The following TTC28 variants were observed in gnomAD, a reference collection of about 807,000 sequenced individuals.
The protein encoded by TTC28 is tetratricopeptide repeat protein 28.
TTC28 carries 61 observed loss-of-function variants against 198.0 expected under a neutral mutation model. The observed-to-expected ratio is 0.31, with a 90% CI of 0.25 to 0.38. The LOEUF is 0.38. TTC28 is among the 10% of genes least tolerant of loss of function. The probability of loss-of-function intolerance (pLI) is 1.00; values close to 1 mark genes in which losing one functional copy is unlikely to be tolerated. For synonymous variants in TTC28, 1,171 were observed against 1,297.8 expected (o/e 0.90, Z 2.10); for missense variants, 2,678 against 3,164.0 (o/e 0.85, Z 3.69).
chr22:28,313,743 A>G (rs1601615853), intron 2 of TTC28, among the ~76,000 whole-genome samples: 1 of 152,192 alleles, frequency 6.6e-6, no homozygotes, highest in Non-Finnish European at 1.5e-5. Flanking sequence ...TGACAAACCC[A>G]CAGCCAATAT....
intron 2 of TTC28, among the ~76,000 whole-genome samples, chr22:28,593,344 A>G (rs1167606610): frequency 1.3e-5 from 2 of 152,188 alleles, no homozygotes; most frequent in Non-Finnish European, 2.9e-5. Flanking sequence ...ATATTCATGC[A>G]AGCCCTAATT....
At chr22:28,050,306 A>G (rs1431627442) in intron 12 of TTC28, among the ~76,000 whole-genome samples, 1 of 152,204 alleles carries the variant, frequency 6.6e-6, no homozygotes, top group African/African-American at 2.4e-5. Flanking sequence ...TGAGAAGCTC[A>G]AAGTTCACAG....
Position 28,107,636 on chromosome 22 carries a change from A to G in TTC28, c.2209T>C (p.Tyr737His). Residue 737 changes from tyrosine to histidine, a missense_variant, in exon 7 of 23, where the codon TAT (tyrosine) becomes CAT (histidine). Physicochemically the swap from Tyr to His is moderately conservative, Grantham distance 83. Coordinates refer to ENST00000397906, the MANE Select transcript of TTC28 (RefSeq NM_001145418.2). ...KKDINGAIKF[Y>H]EQQLGLAHQV... ...TGAGCTAAGCCCAGTTGCTGCTCAT[A>G]GAATTTTATTGCACCATTTATATCT... 6.4e-7 allele frequency: 1 copy of G among 1,551,808 alleles called. No individual in the cohort carries two copies. Among genetic ancestry groups the G allele is most frequent in the Non-Finnish European group, 8.7e-7 (1 of 1,147,014 alleles).
Position 28,048,634 on chromosome 22 carries a change from C to T in TTC28, c.3933-18268G>A, listed in dbSNP as rs146505349. Among the ~76,000 whole-genome samples, 459 of 152,266 alleles carry T rather than the reference C, an allele frequency of 3.0e-3. 6 individuals carry two copies. The highest frequency in any genetic ancestry group is 0.011 in the African/African-American group (440 of 41,550). On this transcript the variant is annotated intron_variant, in intron 12 of 22. Coordinates refer to ENST00000397906, the MANE Select transcript of TTC28 (RefSeq NM_001145418.2). ...ATTAGGCCTTAACTGCCTGAGTCCA[C>T]ATATGCTGTCCACCACCTAGAGGAC...
chr22:28,364,354 G>A (rs1020284160), intron 2 of TTC28, among the ~76,000 whole-genome samples: 2 of 152,194 alleles, frequency 1.3e-5, no homozygotes, highest in African/African-American at 4.8e-5. Context: ...CCAGCCACGT[G>A]GAACTGCAAG....
At chr22:28,225,216 G>C (rs966483362) in intron 5 of TTC28, among the ~76,000 whole-genome samples, 2 of 151,912 alleles carry the variant, frequency 1.3e-5, no homozygotes, top group African/African-American at 4.8e-5. Context: ...TTGGCCAGGC[G>C]TGATGGTGCA....
Position 27,982,636 on chromosome 22 carries a change from T to G in TTC28, c.7031A>C (p.Lys2344Thr), listed in dbSNP as rs775874303. 15 of 1,551,478 alleles carry G rather than the reference T, an allele frequency of 9.7e-6. No individual in the cohort carries two copies. The highest frequency in any genetic ancestry group is 1.2e-5 in the Non-Finnish European group (14 of 1,146,986). Residue 2344 changes from lysine to threonine, a missense_variant, in exon 23 of 23, where the codon AAA becomes ACA. This residue lies in a region of TTC28 where 622 missense variants were observed against 656.0 expected (regional missense o/e 0.95). Coordinates refer to ENST00000397906, the MANE Select transcript of TTC28 (RefSeq NM_001145418.2). The surrounding 1 kb of genome is among the most constrained non-coding windows in gnomAD (Gnocchi z 5.2). ...TTCATCAATGGCTGCCATTTTCAGT[T>G]TGTCTATGTCGGGAGCGTCTGCTGG... Reference protein sequence around the residue: ...SSPADAPDIDKLKMAAIDEKV... With the variant: ...SSPADAPDIDTLKMAAIDEKV...
chr22:28,457,106 A>G (rs1216263517), intron 2 of TTC28, among the ~76,000 whole-genome samples: 1 of 152,256 alleles, frequency 6.6e-6, no homozygotes, highest in Non-Finnish European at 1.5e-5. Flanking sequence ...ACAAAATAAA[A>G]TATGTCAGTA....
At chr22:28,388,803 TTCC>T (rs2046662676) in intron 2 of TTC28, among the ~76,000 whole-genome samples, 1 of 152,202 alleles carries the variant, frequency 6.6e-6, no homozygotes, top group Admixed American at 6.5e-5. Context: ...ACAATTTGAC[TTCC>T]TCTTTTCCTA....
intron 2 of TTC28, among the ~76,000 whole-genome samples, chr22:28,460,676 CAGAT>C (rs763742467): frequency 0.037 from 5,459 of 149,268 alleles, 123 homozygotes; most frequent in East Asian, 0.073. Flanking sequence ...GACAGACAGA[CAGAT>C]AGATAGGCAG....
intron 2 of TTC28, among the ~76,000 whole-genome samples, chr22:28,564,038 A>T (rs2049931828): frequency 1.3e-5 from 2 of 152,218 alleles, no homozygotes; most frequent in African/African-American, 4.8e-5. Flanking sequence ...CCAGATACAA[A>T]TAATCACATA....
chr22:28,450,009 T>G (rs1268538805), intron 2 of TTC28, among the ~76,000 whole-genome samples: 1 of 152,154 alleles, frequency 6.6e-6, no homozygotes, highest in Non-Finnish European at 1.5e-5. Flanking sequence ...TGAATTCTGT[T>G]TAAGACTTGT....
At chr22:28,480,779 A>G (rs1301249474) in intron 2 of TTC28, among the ~76,000 whole-genome samples, 1 of 151,954 alleles carries the variant, frequency 6.6e-6, no homozygotes, top group Non-Finnish European at 1.5e-5. Flanking sequence ...AAAAATACAG[A>G]AAAAAAATAC....
chr22:28,076,628 G>A (rs1240226965), intron 12 of TTC28, among the ~76,000 whole-genome samples: 3 of 152,154 alleles, frequency 2.0e-5, no homozygotes, highest in Non-Finnish European at 2.9e-5. Context: ...CCAGGCTGGA[G>A]TGCAGTGGCG....
chr22:28,097,565 C>A (rs1299608762), intron 10 of TTC28, among the ~76,000 whole-genome samples: 1 of 152,068 alleles, frequency 6.6e-6, no homozygotes, highest in African/African-American at 2.4e-5. Context: ...ATGTACCAAT[C>A]TGAAACCACA....
rs559272164 is a variant in TTC28, at chr22:28,253,915, G to C, written c.933+42283C>G. On this transcript the variant is annotated intron_variant, in intron 5 of 22. Coordinates refer to ENST00000397906, the MANE Select transcript of TTC28 (RefSeq NM_001145418.2). Reference sequence around the variant, plus strand: ...AGATCAGGAGTTCGAGAGCAGCCTGGCCAACATGGTGAAACTTTGTCTCTA... The same window carrying C: ...AGATCAGGAGTTCGAGAGCAGCCTGCCCAACATGGTGAAACTTTGTCTCTA... Among the ~76,000 whole-genome samples the C allele has an allele frequency of 6.6e-5, 10 of 152,052 alleles. No homozygotes were observed. The East Asian group carries it at 1.9e-3, about 29-fold the overall frequency.
At chr22:28,199,065 C>T (rs1196192510) in intron 5 of TTC28, among the ~76,000 whole-genome samples, 1 of 152,000 alleles carries the variant, frequency 6.6e-6, no homozygotes. Context: ...ATGTGCAATG[C>T]AATCCAAATC....
intron 2 of TTC28, among the ~76,000 whole-genome samples, chr22:28,377,890 T>C (rs189193759): frequency 6.6e-4 from 100 of 152,136 alleles, no homozygotes; most frequent in African/African-American, 2.3e-3. Flanking sequence ...AGAAATGACA[T>C]AGGTTAGTAG....
intron 6 of TTC28, among the ~76,000 whole-genome samples, chr22:28,137,309 T>C (rs1943221574): frequency 6.6e-6 from 1 of 152,140 alleles, no homozygotes; most frequent in Admixed American, 6.5e-5. Context: ...TCAAGCTAAC[T>C]TCTATACTGA....
Sources: allele counts gnomAD v4.1 joint callset (sites outside exome capture counted in the v4.1 genomes callset), GRCh38; gene constraint gnomAD v4.1.1; regional missense constraint gnomAD v4.1.1; non-coding constraint Gnocchi (gnomAD v3.1); transcripts MANE v1.5; gene names NCBI Gene and HGNC (gene_info 2026-07-23, HGNC 2026-07-21).